The following NRXN3 variants were observed in gnomAD, a reference collection of about 807,000 sequenced individuals.
The protein encoded by NRXN3 is neurexin III.
Under a neutral mutation model 137.6 loss-of-function variants are expected in NRXN3, and 32 were observed. That is an observed-to-expected ratio of 0.23 (90% CI 0.18 to 0.31). The LOEUF (loss-of-function observed/expected upper bound fraction) is 0.31, where lower values mean the gene tolerates loss of function less well. Ranked by LOEUF, NRXN3 falls within the 10% of genes least tolerant of loss-of-function variation. The pLI is 1.00. For synonymous variants in NRXN3, 798 were observed against 784.5 expected, an observed-to-expected ratio of 1.02 and a Z score of -0.29; for missense variants, 1,574 against 2,062.5, an observed-to-expected ratio of 0.76 and a Z score of 4.59.
chr14:79,014,889 T>G (rs2099576758), intron 15 of NRXN3, among the ~76,000 whole-genome samples: 1 of 152,138 alleles, frequency 6.6e-6, no homozygotes, highest in South Asian at 2.1e-4. Flanking sequence ...GTAGGTTCAG[T>G]CAACTCATTT....
intron 1 of NRXN3, among the ~76,000 whole-genome samples, chr14:78,230,239 G>C (rs1326011333): frequency 1.3e-5 from 2 of 151,818 alleles, no homozygotes; most frequent in African/African-American, 4.8e-5. Flanking sequence ...TGTCCAGGCT[G>C]GTCTCAAACT....
chr14:78,532,959 A>G (rs1368097228), intron 4 of NRXN3, among the ~76,000 whole-genome samples: 1 of 151,666 alleles, frequency 6.6e-6, no homozygotes, highest in Non-Finnish European at 1.5e-5. Context: ...ATCAAGCTCT[A>G]ATTACTTTCT....
chr14:79,196,789 G>A (rs1021421973), intron 15 of NRXN3, among the ~76,000 whole-genome samples: 3 of 152,132 alleles, frequency 2.0e-5, no homozygotes. Flanking sequence ...CTCAAATTAG[G>A]TCAGGAATGT....
chr14:79,739,456 C>A (rs2098953004), intron 19 of NRXN3, among the ~76,000 whole-genome samples: 1 of 151,578 alleles, frequency 6.6e-6, no homozygotes, highest in Non-Finnish European at 1.5e-5. Context: ...ACCAGCCTGG[C>A]CAACATGGTG....
At chr14:78,534,488 C>A (rs1341339505) in intron 4 of NRXN3, among the ~76,000 whole-genome samples, 1 of 152,172 alleles carries the variant, frequency 6.6e-6, no homozygotes, top group African/African-American at 2.4e-5. Flanking sequence ...GCTGCCCAAT[C>A]TATAACGAAT....
At chr14:78,819,974 T>C (rs939746462) in intron 10 of NRXN3, among the ~76,000 whole-genome samples, 3 of 152,170 alleles carry the variant, frequency 2.0e-5, no homozygotes, top group Non-Finnish European at 4.4e-5. Flanking sequence ...GTGGAGCTCC[T>C]GAGCCACTTT....
chr14:78,891,458 G>A (rs1282163406), intron 10 of NRXN3, among the ~76,000 whole-genome samples: 1 of 151,860 alleles, frequency 6.6e-6, no homozygotes, highest in East Asian at 1.9e-4. Context: ...ATTTAGGTGT[G>A]AGTAACGTCT....
chr14:79,750,708 C>T (rs1329300730), intron 19 of NRXN3, among the ~76,000 whole-genome samples: 1 of 152,132 alleles, frequency 6.6e-6, no homozygotes, highest in African/African-American at 2.4e-5. Context: ...CTGAGTCATA[C>T]ATCTCTCATT....
chr14:79,846,737 GT>G (rs1210649105), intron 20 of NRXN3, among the ~76,000 whole-genome samples: 8 of 152,116 alleles, frequency 5.3e-5, no homozygotes, highest in African/African-American at 1.4e-4. Flanking sequence ...CACTTAATTT[GT>G]TTTTTAGTCT....
At chr14:79,689,661 G>A (rs1370264295) in intron 17 of NRXN3, among the ~76,000 whole-genome samples, 1 of 152,070 alleles carries the variant, frequency 6.6e-6, no homozygotes. Context: ...AAGGGTCTAA[G>A]GTTGAATCAT....
At chr14:79,172,834 G>A (rs2061920784) in intron 15 of NRXN3, among the ~76,000 whole-genome samples, 1 of 152,120 alleles carries the variant, frequency 6.6e-6, no homozygotes, top group Non-Finnish European at 1.5e-5. Flanking sequence ...TAAAACCATT[G>A]TAATAAAAAA....
At chr14:79,499,174 A>G (rs1601256883) in intron 16 of NRXN3, among the ~76,000 whole-genome samples, 2 of 152,292 alleles carry the variant, frequency 1.3e-5, no homozygotes, top group Middle Eastern at 6.8e-3. Flanking sequence ...ATCTAAGTGC[A>G]TTACCAAAGC....
chr14:79,657,822 G>A (rs922819102), intron 16 of NRXN3, among the ~76,000 whole-genome samples: 2 of 152,096 alleles, frequency 1.3e-5, no homozygotes, highest in African/African-American at 2.4e-5. Flanking sequence ...TTTTGCCTAA[G>A]ATTTATTGCA....
intron 4 of NRXN3, among the ~76,000 whole-genome samples, chr14:78,637,595 G>T (rs2097578166): frequency 6.6e-6 from 1 of 152,186 alleles, no homozygotes; most frequent in Admixed American, 6.5e-5. Flanking sequence ...GGAAAGAAGG[G>T]TTAGAGAAGT....
chr14:78,340,246 C>T (rs903122430), intron 4 of NRXN3, among the ~76,000 whole-genome samples: 1 of 152,168 alleles, frequency 6.6e-6, no homozygotes, highest in Non-Finnish European at 1.5e-5. Flanking sequence ...GAGAAGGCTG[C>T]CTTTTCCCAA....
intron 4 of NRXN3, among the ~76,000 whole-genome samples, chr14:78,443,462 G>A (rs1407681235): frequency 2.0e-5 from 3 of 152,212 alleles, no homozygotes; most frequent in African/African-American, 7.2e-5. Context: ...AAGGAAAATT[G>A]CCAGGCCAGG....
intron 4 of NRXN3, among the ~76,000 whole-genome samples, chr14:78,495,323 A>G (rs995175343): frequency 1.3e-5 from 2 of 152,084 alleles, no homozygotes; most frequent in Non-Finnish European, 2.9e-5. Context: ...AATTTTACCT[A>G]TGAGGAAGAT....
chr14:78,500,230 T>C (rs1309960485), intron 4 of NRXN3, among the ~76,000 whole-genome samples: 1 of 152,212 alleles, frequency 6.6e-6, no homozygotes, highest in Non-Finnish European at 1.5e-5. Flanking sequence ...ATTTTAAGTT[T>C]TCTAGAAATG....
chr14:79,225,743 G>C (rs1435192881), intron 15 of NRXN3, among the ~76,000 whole-genome samples: 2 of 152,076 alleles, frequency 1.3e-5, no homozygotes, highest in African/African-American at 4.8e-5. Context: ...TTTCCTTTCT[G>C]GTGTCTCTGA....
Sources: gnomAD v4.1 joint callset for allele counts (sites outside exome capture counted in the v4.1 genomes callset) on GRCh38, gnomAD v4.1.1 for gene constraint, MANE v1.5 for transcripts, NCBI Gene and HGNC (gene_info 2026-07-23, HGNC 2026-07-21) for gene names.